Variants in PDE1A observed in about 807,000 individuals in gnomAD.
The protein encoded by PDE1A is dual specificity calcium/calmodulin-dependent 3',5'-cyclic nucleotide phosphodiesterase 1A.
PDE1A carries 35 observed loss-of-function variants against 61.7 expected under a neutral mutation model. That is an observed-to-expected ratio of 0.57 (90% CI 0.43 to 0.75). PDE1A has a LOEUF of 0.75. PDE1A is among the 30% of genes least tolerant of loss of function. The pLI is 0.00. For missense variants in PDE1A, 597 were observed against 630.6 expected (o/e 0.95, Z 0.57); for synonymous variants, 232 against 213.2 (o/e 1.09, Z -0.77).
intron 2 of PDE1A, among the ~76,000 whole-genome samples, chr2:182,249,657 A>G (rs922842649): frequency 1.2e-4 from 19 of 152,014 alleles, no homozygotes; most frequent in South Asian, 4.2e-4. Context: ...AGGAGAGTCC[A>G]TTAGTATTAT....
chr2:182,570,648 G>A, the PDE1A span, among the ~76,000 whole-genome samples: 2 of 152,088 alleles, frequency 1.3e-5, no homozygotes, highest in Non-Finnish European at 1.5e-5. Flanking sequence ...TTTTAGAAAC[G>A]GTCAGTGTTC....
chr2:182,265,555 T>G (rs1692574817), intron 1 of PDE1A, among the ~76,000 whole-genome samples: 1 of 152,132 alleles, frequency 6.6e-6, no homozygotes, highest in African/African-American at 2.4e-5. Flanking sequence ...AGTATAGGAC[T>G]CAGCTAGATG....
chr2:182,281,596 A>G (rs1303216161), intron 1 of PDE1A, among the ~76,000 whole-genome samples: 2 of 152,008 alleles, frequency 1.3e-5, no homozygotes, highest in South Asian at 2.1e-4. Context: ...ATAACTGTGC[A>G]TACTCTATGT....
At chr2:182,621,731 T>A in the PDE1A span, among the ~76,000 whole-genome samples, 1 of 152,182 alleles carries the variant, frequency 6.6e-6, no homozygotes, top group Non-Finnish European at 1.5e-5. Context: ...TTTCTAACAT[T>A]TATACAATTC....
the PDE1A span, among the ~76,000 whole-genome samples, chr2:182,597,556 A>G: frequency 2.6e-5 from 4 of 152,146 alleles, no homozygotes; most frequent in African/African-American, 9.7e-5. Context: ...AAGGGAGTAA[A>G]GAAAGTAAAG....
At chr2:182,700,395 G>T in the PDE1A span, among the ~76,000 whole-genome samples, 3 of 151,876 alleles carry the variant, frequency 2.0e-5, no homozygotes, top group East Asian at 5.8e-4. Flanking sequence ...GGCCAATATG[G>T]CAAAACCCAT....
chr2:182,314,917 C>T lies in PDE1A; in HGVS notation c.54-50503G>A, dbSNP rs539441553. On this transcript the variant is annotated intron_variant, in intron 1 of 13. Transcript: ENST00000351439. ...TATTTATTCAGTTAGATTAACTTGT[C>T]TTAGAACTAAATGTCTTCTGAGACT... is the stretch of plus-strand genomic sequence containing the variant. 9.2e-5 allele frequency among the ~76,000 whole-genome samples: 14 copies of T among 152,184 alleles called. No individual in the cohort carries two copies. In the East Asian group the frequency reaches 1.5e-3, roughly 17 times the overall value.
intron 13 of PDE1A, among the ~76,000 whole-genome samples, chr2:182,174,304 C>T (rs992086327): frequency 5.3e-5 from 8 of 152,062 alleles, no homozygotes; most frequent in African/African-American, 1.9e-4. Flanking sequence ...TTCCTGATGA[C>T]GTCCATGGAC....
intron 1 of PDE1A, among the ~76,000 whole-genome samples, chr2:182,265,305 TAAAC>T (rs771925858): frequency 8.6e-5 from 13 of 152,006 alleles, no homozygotes; most frequent in Admixed American, 3.9e-4. Context: ...CTTCATAAAA[TAAAC>T]AAAAAAACAA....
chr2:182,666,320 A>C, the PDE1A span, among the ~76,000 whole-genome samples: 3 of 152,220 alleles, frequency 2.0e-5, no homozygotes, highest in Non-Finnish European at 2.9e-5. Flanking sequence ...CATGTTTTAA[A>C]AAATCATAGA....
At chr2:182,456,585 A>C (rs1233844847) in intron 2 of PDE1A, among the ~76,000 whole-genome samples, 1 of 152,118 alleles carries the variant, frequency 6.6e-6, no homozygotes, top group East Asian at 1.9e-4. Flanking sequence ...GAAACAATTG[A>C]ACCAATCACC....
At chr2:182,221,012 C>G (rs1688670871) in intron 7 of PDE1A, among the ~76,000 whole-genome samples, 1 of 151,904 alleles carries the variant, frequency 6.6e-6, no homozygotes. Context: ...CATTTTTATA[C>G]AGAGTTTTAA....
the PDE1A span, among the ~76,000 whole-genome samples, chr2:182,532,756 C>A: frequency 1.3e-5 from 2 of 149,018 alleles, no homozygotes; most frequent in East Asian, 4.1e-4. Flanking sequence ...GTCAGGAGAT[C>A]GACAGGACGG....
the PDE1A span, among the ~76,000 whole-genome samples, chr2:182,715,833 A>C: frequency 6.6e-6 from 1 of 152,190 alleles, no homozygotes; most frequent in East Asian, 1.9e-4. Flanking sequence ...GCTTCAGGCA[A>C]CTTCTCCTTT....
At chr2:182,280,546 A>T (rs906352958) in intron 1 of PDE1A, among the ~76,000 whole-genome samples, 1 of 151,936 alleles carries the variant, frequency 6.6e-6, no homozygotes, top group Non-Finnish European at 1.5e-5. Flanking sequence ...AGAATATTCT[A>T]GATTGAAAAG....
At chr2:182,605,794 G>A in the PDE1A span, among the ~76,000 whole-genome samples, 2 of 152,192 alleles carry the variant, frequency 1.3e-5, no homozygotes, top group South Asian at 2.1e-4. Context: ...CAAGGGTGAA[G>A]TAAAAAGAGA....
intron 13 of PDE1A, among the ~76,000 whole-genome samples, chr2:182,152,603 T>C (rs899708032): frequency 6.6e-6 from 1 of 152,004 alleles, no homozygotes; most frequent in African/African-American, 2.4e-5. Context: ...GTATTTTTAG[T>C]AGAGACGGGG....
intron 2 of PDE1A, among the ~76,000 whole-genome samples, chr2:182,434,482 T>G (rs1583114): frequency 0.18 from 26,715 of 152,010 alleles, 2,757 homozygotes; most frequent in Middle Eastern, 0.35. Flanking sequence ...AGTGAGGGCC[T>G]TTTTACTACA....
intron 13 of PDE1A, among the ~76,000 whole-genome samples, chr2:182,160,448 C>T (rs535429762): frequency 1.3e-5 from 2 of 152,248 alleles, no homozygotes; most frequent in African/African-American, 2.4e-5. Flanking sequence ...GGGAGACATT[C>T]GTCTTGCTCA....
Sources: gnomAD v4.1 joint callset for allele counts (sites outside exome capture counted in the v4.1 genomes callset) on GRCh38, gnomAD v4.1.1 for gene constraint, MANE v1.5 for transcripts, NCBI Gene and HGNC (gene_info 2026-07-23, HGNC 2026-07-21) for gene names.